The following CNIH3 variants were observed in gnomAD, a reference collection of about 807,000 sequenced individuals.
CNIH3 encodes cornichon family AMPA receptor auxiliary protein 3.
Under a neutral mutation model 24.1 loss-of-function variants are expected in CNIH3, and 14 were observed. The ratio of observed to expected loss-of-function variants is 0.58; its 90% CI spans 0.38 to 0.91. The LOEUF (loss-of-function observed/expected upper bound fraction) is 0.91, where lower values mean the gene tolerates loss of function less well. Among genes scored for constraint, CNIH3 ranks in the 40% least tolerant of loss-of-function variants. The pLI is 0.00. For missense variants in CNIH3, 178 were observed against 196.8 expected (o/e 0.90, Z 0.57); for synonymous variants, 68 against 73.8 (o/e 0.92, Z 0.40).
At chr1:224,574,470 A>T (rs1490035839) in intron 4 of CNIH3, 4 of 644,750 alleles carry the variant, frequency 6.2e-6, no homozygotes, top group African/African-American at 3.6e-5. Context: ...TGGCACCAAG[A>T]TGCCCATCCT....
At chr1:224,658,941 A>G (rs1685220774) in intron 1 of CNIH3, among the ~76,000 whole-genome samples, 1 of 152,224 alleles carries the variant, frequency 6.6e-6, no homozygotes, top group Non-Finnish European at 1.5e-5. Flanking sequence ...ATAATTTTCT[A>G]TCAGAGCAGA....
At chr1:224,474,021 A>G (rs1676468698) in intron 1 of CNIH3, among the ~76,000 whole-genome samples, 3 of 152,334 alleles carry the variant, frequency 2.0e-5, no homozygotes, top group Non-Finnish European at 4.4e-5. Context: ...ACACAAGGAA[A>G]TTACACAGTA....
At chr1:224,694,117 G>A (rs1687057123) in intron 3 of CNIH3, among the ~76,000 whole-genome samples, 1 of 152,242 alleles carries the variant, frequency 6.6e-6, no homozygotes, top group African/African-American at 2.4e-5. Context: ...TCCACCCAGA[G>A]AAGTTGACAG....
In CNIH3 at chr1:224,604,502, A is replaced by G. The variant is rs1246901714; in HGVS notation, n.402+38238A>G. Reference sequence around the variant, plus strand: ...ACAGAGGCTGAGATGGAGCCTCTGAAGAAGGGACCCCTACGCCGCTTTGTG... The same window carrying G: ...ACAGAGGCTGAGATGGAGCCTCTGAGGAAGGGACCCCTACGCCGCTTTGTG... On this transcript the variant is annotated intron_variant and non_coding_transcript_variant, in intron 3 of 7. Transcript: ENST00000478120. This position sits in a 1 kb window ranked among gnomAD's most constrained non-coding sequence, Gnocchi z 4.4. 6.6e-6 allele frequency among the ~76,000 whole-genome samples: 1 copy of G among 152,188 alleles called. No individual in the cohort carries two copies. Among genetic ancestry groups the G allele is most frequent in the Non-Finnish European group, 1.5e-5 (1 of 68,032 alleles).
intron 3 of CNIH3, among the ~76,000 whole-genome samples, chr1:224,548,021 T>A (rs904707891): frequency 7.9e-5 from 12 of 151,814 alleles, no homozygotes; most frequent in African/African-American, 2.7e-4. Flanking sequence ...ACAGTAAGTG[T>A]ACACCACATG....
chr1:224,576,752 G>GCAAA (rs891374404), intron 4 of CNIH3, among the ~76,000 whole-genome samples: 1 of 152,022 alleles, frequency 6.6e-6, no homozygotes, highest in African/African-American at 2.4e-5. Flanking sequence ...AAGTAAGCAA[G>GCAAA]CAAACAAACA....
chr1:224,574,348 G>T (rs1287549723), intron 4 of CNIH3: 2 of 349,186 alleles, frequency 5.7e-6, no homozygotes, highest in Admixed American at 4.3e-5. Flanking sequence ...CATTCTTAAA[G>T]ACATAACTAT....
At chr1:224,673,605 A>G (rs1685981055) in intron 1 of CNIH3, among the ~76,000 whole-genome samples, 1 of 151,796 alleles carries the variant, frequency 6.6e-6, no homozygotes, top group East Asian at 1.9e-4. Flanking sequence ...TCTACTCCCG[A>G]TTCTGTTTCT....
At chr1:224,630,788 A>G (rs1243416316) in intron 1 of CNIH3, among the ~76,000 whole-genome samples, 1 of 152,134 alleles carries the variant, frequency 6.6e-6, no homozygotes, top group Non-Finnish European at 1.5e-5. Context: ...TGTGAGTGTA[A>G]TTAACACCTG....
chr1:224,670,749 C>G (rs1685825193), intron 1 of CNIH3, among the ~76,000 whole-genome samples: 2 of 152,228 alleles, frequency 1.3e-5, no homozygotes, highest in South Asian at 2.1e-4. Flanking sequence ...GGTCATCACT[C>G]TGCCATTTTC....
At chr1:224,475,254 G>A (rs1010284904) in intron 1 of CNIH3, among the ~76,000 whole-genome samples, 5 of 151,020 alleles carry the variant, frequency 3.3e-5, no homozygotes, top group Non-Finnish European at 7.4e-5. Flanking sequence ...TACTCGGGAG[G>A]CTGAGGCAGG....
At chr1:224,628,158 G>A (rs1248418888) in intron 1 of CNIH3, among the ~76,000 whole-genome samples, 2 of 151,914 alleles carry the variant, frequency 1.3e-5, no homozygotes, top group Non-Finnish European at 2.9e-5. Context: ...CTGCTTCTAC[G>A]CTTCGCTCAA....
chr1:224,464,999 G>A (rs535895542), intron 1 of CNIH3, among the ~76,000 whole-genome samples: 18 of 152,098 alleles, frequency 1.2e-4, no homozygotes, highest in Admixed American at 9.2e-4. Context: ...TCACCATGTT[G>A]CCCAGGCTGG....
At chr1:224,564,919 G>A (rs942600325) in intron 3 of CNIH3, among the ~76,000 whole-genome samples, 2 of 152,204 alleles carry the variant, frequency 1.3e-5, no homozygotes, top group African/African-American at 4.8e-5. Context: ...AGTTACAGTG[G>A]GAAGGTGGAT....
intron 3 of CNIH3, among the ~76,000 whole-genome samples, chr1:224,702,503 G>A (rs1166673619): frequency 1.3e-5 from 2 of 152,226 alleles, no homozygotes; most frequent in South Asian, 2.1e-4. Flanking sequence ...ACCATGACTG[G>A]ATGCTCCAGG....
At chr1:224,686,219 A>G (rs1686653628) in intron 3 of CNIH3, among the ~76,000 whole-genome samples, 1 of 133,546 alleles carries the variant, frequency 7.5e-6, no homozygotes, top group African/African-American at 2.9e-5. Context: ...AAGTGTTCTC[A>G]TTGTTCAGTT....
chr1:224,514,026 C>T (rs1678279177), upstream of CNIH3: 1 of 152,226 alleles, frequency 6.6e-6, no homozygotes. Flanking sequence ...ACTCCCACAG[C>T]GGCAAGGCAG....
At position 224,681,013 on chromosome 1, in the gene CNIH3, A is replaced by G. The variant is rs1686371459; in HGVS notation, c.137A>G (p.Asn46Ser). 3 of 1,613,952 alleles carry G rather than the reference A, an allele frequency of 1.9e-6. No individual in the cohort carries two copies. Among genetic ancestry groups the G allele is most frequent in the Non-Finnish European group, 8.5e-7 (1 of 1,179,902 alleles). Residue 46 changes from asparagine (N) to serine (S), a missense_variant, in exon 2 of 6, where the codon AAT becomes AGT. By Grantham distance (46) the Asn-to-Ser change is conservative. Transcript: ENST00000272133. The part of the protein sequence containing the change: ...TDFKSPIDQC[N>S]PVHARERLRN... The stretch of plus-strand genomic sequence containing the variant: ...TTTAAGAGCCCCATAGACCAGTGCA[A>G]TCCTGTTCATGCGGTAAGTGGCGGG...
At chr1:224,480,539 A>C (rs768162828) in intron 1 of CNIH3, among the ~76,000 whole-genome samples, 5 of 152,174 alleles carry the variant, frequency 3.3e-5, no homozygotes, top group Non-Finnish European at 7.3e-5. Flanking sequence ...TATAAAACTG[A>C]GTGCCTTTAA....
Sources: allele counts gnomAD v4.1 joint callset (sites outside exome capture counted in the v4.1 genomes callset), GRCh38; gene constraint gnomAD v4.1.1; non-coding constraint Gnocchi (gnomAD v3.1); transcripts MANE v1.5; gene names NCBI Gene and HGNC (gene_info 2026-07-23, HGNC 2026-07-21).